The following CDH23 variants were observed in gnomAD, a reference collection of about 807,000 sequenced individuals.
The protein encoded by CDH23 is cadherin related 23.
A neutral mutation model predicts 317.1 loss-of-function variants in CDH23; 189 were observed. The observed-to-expected ratio is 0.60, with a 90% confidence interval of 0.53 to 0.67. The LOEUF (loss-of-function observed/expected upper bound fraction) is 0.67, where lower values mean the gene tolerates loss of function less well. Among genes scored for constraint, CDH23 ranks in the 30% least tolerant of loss-of-function variants. The pLI is 0.00. For missense variants in CDH23, 4,401 were observed against 4,592.4 expected (o/e 0.96, Z 1.20); for synonymous variants, 1,839 against 1,876.8 (o/e 0.98, Z 0.52).
intron 37 of CDH23, among the ~76,000 whole-genome samples, 190 bp downstream of exon 37, chr10:71,741,140 G>A (rs995875228): frequency 1.3e-5 from 2 of 152,184 alleles, no homozygotes; most frequent in Non-Finnish European, 2.9e-5. Flanking sequence ...TATCTTTTTG[G>A]AGTAGAGGAG....
intron 38 of CDH23, chr10:71,753,800 A>C (rs1257364313): frequency 2.2e-6 from 1 of 456,328 alleles, no homozygotes; most frequent in East Asian, 6.9e-5. Flanking sequence ...CAACAACAGA[A>C]CAAACACAGG....
chr10:71,399,808 G>A (rs539144745), intron 1 of CDH23, among the ~76,000 whole-genome samples: 1 of 152,042 alleles, frequency 6.6e-6, no homozygotes, highest in Admixed American at 6.5e-5. Context: ...CTGCACATGG[G>A]CCAGAAAGAG....
At chr10:71,503,956 A>C (rs1052715725) in intron 3 of CDH23, among the ~76,000 whole-genome samples, 1 of 152,158 alleles carries the variant, frequency 6.6e-6, no homozygotes, top group Non-Finnish European at 1.5e-5. Context: ...GGCTCAGCCC[A>C]GTGAGCCTGT....
At chr10:71,606,752 G>T (rs1299901372) in intron 9 of CDH23, among the ~76,000 whole-genome samples, 2 of 152,162 alleles carry the variant, frequency 1.3e-5, no homozygotes, top group Non-Finnish European at 2.9e-5. Context: ...GGGTGAGGGT[G>T]GGAAGGTGGG....
At chr10:71,676,357 T>C (rs1483301526) in intron 15 of CDH23, among the ~76,000 whole-genome samples, 1 of 151,770 alleles carries the variant, frequency 6.6e-6, no homozygotes, top group African/African-American at 2.4e-5. Flanking sequence ...CTGGATGCCA[T>C]GGCTCATGCC....
At chr10:71,536,065 G>C (rs756820014) in intron 6 of CDH23, among the ~76,000 whole-genome samples, 1 of 152,258 alleles carries the variant, frequency 6.6e-6, no homozygotes, top group Non-Finnish European at 1.5e-5. Flanking sequence ...AGGTGCACGC[G>C]CCTTGCTGTG....
At chr10:71,778,535 G>T (rs1183919091) in intron 40 of CDH23, among the ~76,000 whole-genome samples, 1 of 152,126 alleles carries the variant, frequency 6.6e-6, no homozygotes, top group Non-Finnish European at 1.5e-5. Flanking sequence ...GACAATACCT[G>T]CCCTCCTCTC....
chr10:71,538,277 G>C (rs1256371593), intron 6 of CDH23, among the ~76,000 whole-genome samples: 2 of 152,132 alleles, frequency 1.3e-5, no homozygotes, highest in Admixed American at 1.3e-4. Context: ...TTAATAACTC[G>C]CCACCAGGTC....
chr10:71,800,214 G>A (rs1265726801), intron 52 of CDH23, among the ~76,000 whole-genome samples: 1 of 152,222 alleles, frequency 6.6e-6, no homozygotes, highest in Non-Finnish European at 1.5e-5. Flanking sequence ...GGTTGGTCAG[G>A]CAGGGCCTTC....
chr10:71,556,729 T>G (rs542976410), intron 6 of CDH23, among the ~76,000 whole-genome samples: 1 of 152,358 alleles, frequency 6.6e-6, no homozygotes, highest in Admixed American at 6.5e-5. Flanking sequence ...GCTCAGCTTA[T>G]AATAAAAGCA....
chr10:71,466,878 G>GTC (rs1433390198), intron 3 of CDH23, among the ~76,000 whole-genome samples: 6 of 151,202 alleles, frequency 4.0e-5, no homozygotes, highest in African/African-American at 1.5e-4. Context: ...CATGAGGGGT[G>GTC]TGTGTGTGTG....
intron 1 of CDH23, among the ~76,000 whole-genome samples, chr10:71,406,333 G>A (rs1848096357): frequency 6.6e-6 from 1 of 152,206 alleles, no homozygotes; most frequent in Non-Finnish European, 1.5e-5. Context: ...CCACAGCAGA[G>A]GGGGCTTGGA....
chr10:71,737,275 C>T (rs1839592933), intron 34 of CDH23, among the ~76,000 whole-genome samples: 1 of 152,304 alleles, frequency 6.6e-6, no homozygotes, highest in East Asian at 1.9e-4. Flanking sequence ...GGTGCCACCC[C>T]TTCACTTTCT....
Position 71,738,667 on chromosome 10 carries a change from A to C in CDH23, c.4359+20A>C. Reference sequence around the variant, plus strand: ...GGGCAGGTGGGCCACCGAGTGAAACAGCCAGGATCCACCATGTCAGCGGGG... The same window carrying C: ...GGGCAGGTGGGCCACCGAGTGAAACCGCCAGGATCCACCATGTCAGCGGGG... On this transcript the variant is annotated intron_variant, in intron 35 of 69. Coordinates refer to ENST00000224721, the MANE Select transcript of CDH23 (RefSeq NM_022124.6). 6.2e-7 allele frequency: 1 copy of C among 1,609,912 alleles called. No homozygotes were observed. The highest frequency in any genetic ancestry group is 8.5e-7 in the Non-Finnish European group (1 of 1,177,776).
intron 38 of CDH23, chr10:71,761,788 G>A (rs1840394249): frequency 1.9e-6 from 3 of 1,614,036 alleles, no homozygotes; most frequent in Admixed American, 1.7e-5. Flanking sequence ...GGCTGGTGTT[G>A]GCAGCCTGGT....
chr10:71,520,406 C>T (rs544887824), intron 6 of CDH23, among the ~76,000 whole-genome samples: 6 of 152,330 alleles, frequency 3.9e-5, no homozygotes, highest in Non-Finnish European at 8.8e-5. Context: ...TTAATCCAGC[C>T]GCACACTCTG....
In CDH23 at chr10:71,815,500, A is replaced by G; in HGVS notation, c.*222A>G. Reference sequence around the variant, plus strand: ...CCTTCATAAGATCTGTTATTTTTATAAGAAAACCAAACAAAAATGTTAAGC... The same window carrying G: ...CCTTCATAAGATCTGTTATTTTTATGAGAAAACCAAACAAAAATGTTAAGC... On this transcript the variant is annotated 3_prime_UTR_variant, in exon 70 of 70. Transcript: ENST00000224721. The G allele has an allele frequency of 2.2e-6, 1 of 456,702 alleles. No individual in the cohort carries two copies. Among genetic ancestry groups the G allele is most frequent in the Non-Finnish European group, 3.9e-6 (1 of 259,622 alleles). The allele number at this position is 456,702 out of a possible 1,614,324, so 28.3% of individuals were successfully genotyped here. A position where few individuals can be genotyped will look rare whatever the true frequency, so the allele number is the denominator to read the frequency against.
chr10:71,584,346 G>A (rs550644088), intron 9 of CDH23, among the ~76,000 whole-genome samples: 18 of 152,190 alleles, frequency 1.2e-4, no homozygotes, highest in Non-Finnish European at 2.1e-4. Context: ...ATATCAGGCC[G>A]AAACCCCTCA....
rs774035148 is a variant in CDH23 at position 71,732,172 on chromosome 10, A to G, written c.3901A>G (p.Ile1301Val). Residue 1301 changes from isoleucine to valine, a missense_variant, in exon 32 of 70, where the codon ATC becomes GTC. Coordinates refer to ENST00000224721, the MANE Select transcript of CDH23 (RefSeq NM_022124.6). The stretch of plus-strand genomic sequence containing the variant: ...CAACCAGGGCTTCTGCAGCGTCTAC[A>G]TCACTCTGCTCAACGAGCTGGACGA... ...PFNQGFCSVY[I>V]TLLNELDEAV... is the part of the protein sequence containing the mutation. 5 of 1,613,952 alleles carry G rather than the reference A, an allele frequency of 3.1e-6. No homozygotes were observed. Among genetic ancestry groups the G allele is most frequent in the East Asian group, 4.5e-5 (2 of 44,882 alleles).
Sources: allele counts gnomAD v4.1 joint callset (sites outside exome capture counted in the v4.1 genomes callset), GRCh38; gene constraint gnomAD v4.1.1; transcripts MANE v1.5; gene names NCBI Gene and HGNC (gene_info 2026-07-23, HGNC 2026-07-21).